The following GAB2 variants were observed in gnomAD, a reference collection of about 807,000 sequenced individuals.
The protein encoded by GAB2 is GRB2-associated-binding protein 2.
Under a neutral mutation model 65.5 loss-of-function variants are expected in GAB2, and 26 were observed. That is an observed-to-expected ratio of 0.40 (90% CI 0.29 to 0.55). GAB2 has a LOEUF of 0.55. GAB2 is among the 20% of genes least tolerant of loss of function. The probability of loss-of-function intolerance (pLI) is 0.53; values close to 1 mark genes in which losing one functional copy is unlikely to be tolerated. For synonymous variants in GAB2, 321 were observed against 329.6 expected, an observed-to-expected ratio of 0.97 and a Z score of 0.28; for missense variants, 884 against 875.8, an observed-to-expected ratio of 1.01 and a Z score of -0.12.
chr11:78,396,507 AAT>A (rs1309611182), intron 1 of GAB2, among the ~76,000 whole-genome samples: 1 of 152,234 alleles, frequency 6.6e-6, no homozygotes, highest in Non-Finnish European at 1.5e-5. Flanking sequence ...AACCAGTACA[AAT>A]ATATGTTTAA....
At chr11:78,242,140 T>G (rs757171071) in intron 3 of GAB2, among the ~76,000 whole-genome samples, 32 of 152,202 alleles carry the variant, frequency 2.1e-4, no homozygotes, top group Non-Finnish European at 1.2e-4. Context: ...AATTTCAAAA[T>G]TGTACAAATA....
intron 1 of GAB2, among the ~76,000 whole-genome samples, chr11:78,305,055 G>C (rs1056921680): frequency 1.3e-5 from 2 of 152,212 alleles, no homozygotes; most frequent in Non-Finnish European, 2.9e-5. Flanking sequence ...CGGGAACTGA[G>C]CTGAGCTGAA....
intron 1 of GAB2, among the ~76,000 whole-genome samples, chr11:78,398,358 C>A (rs1428176024): frequency 6.6e-6 from 1 of 152,176 alleles, no homozygotes; most frequent in Non-Finnish European, 1.5e-5. Flanking sequence ...CAGTGAATAA[C>A]TGGAAGTAAC....
rs777791037 is a variant in GAB2, at chr11:78,220,373, G to A, written c.1833C>T (p.Ser611=). 4 of 1,612,776 alleles carry A rather than the reference G, an allele frequency of 2.5e-6. No individual in the cohort carries two copies. The highest frequency in any genetic ancestry group is 2.2e-5 in the South Asian group (2 of 90,998). ...NSPAPKKSTG[S]VDYLALDFQP... is the part of the protein sequence containing the mutation. ...GGAAGTCCAGGGCCAGATAATCAAC[G>A]CTGCCGGTGCTCTTCTTAGGGGCAG... Residue 611 remains serine, a synonymous_variant, in exon 9 of 10, where the codon AGC becomes AGT. Coordinates refer to ENST00000361507, the MANE Select transcript of GAB2 (RefSeq NM_080491.3).
At position 78,217,526 on chromosome 11, in the gene GAB2, C is replaced by T. The variant is rs973726538; in HGVS notation, c.*1746G>A. On this transcript the variant is annotated 3_prime_UTR_variant, in exon 10 of 10. Coordinates refer to ENST00000361507, the MANE Select transcript of GAB2 (RefSeq NM_080491.3). ...GACAGTGGTAGCTGTCCCCATCAAA[C>T]ATGGCAGGAAGTCATTGTTTGGGAG... is the stretch of plus-strand genomic sequence containing the variant. 8 of 152,240 alleles carry T rather than the reference C, an allele frequency of 5.3e-5. No homozygotes were observed. Among genetic ancestry groups the T allele is most frequent in the African/African-American group, 1.9e-4 (8 of 41,448 alleles). 9.4% of individuals were successfully genotyped at this position (152,240 alleles called of 1,614,324 possible). A position where few individuals can be genotyped will look rare whatever the true frequency, so the allele number is the denominator to read the frequency against.
chr11:78,369,159 AAGTC>A (rs1221934248), intron 1 of GAB2, among the ~76,000 whole-genome samples: 2 of 151,200 alleles, frequency 1.3e-5, no homozygotes, highest in Non-Finnish European at 3.0e-5. Context: ...AAAAAAAAAA[AAGTC>A]AGATAAGTAA....
chr11:78,337,429 C>T (rs1856020794), intron 1 of GAB2, among the ~76,000 whole-genome samples: 1 of 152,110 alleles, frequency 6.6e-6, no homozygotes, highest in Admixed American at 6.5e-5. Context: ...GAATTCCCCA[C>T]AGTGATGTCA....
At chr11:78,236,380 A>G (rs1033654562) in intron 3 of GAB2, among the ~76,000 whole-genome samples, 24 of 152,260 alleles carry the variant, frequency 1.6e-4, no homozygotes, top group Middle Eastern at 3.4e-3. Flanking sequence ...CGAACTCTTG[A>G]GCTCCAGGTA....
At chr11:78,324,387 A>C (rs1855786135) in intron 1 of GAB2, among the ~76,000 whole-genome samples, 1 of 152,182 alleles carries the variant, frequency 6.6e-6, no homozygotes, top group Non-Finnish European at 1.5e-5. Flanking sequence ...TCTACTCACA[A>C]ATGTGCCTGG....
chr11:78,407,669 GAA>G (rs1857067593), intron 1 of GAB2, among the ~76,000 whole-genome samples: 1 of 136,638 alleles, frequency 7.3e-6, no homozygotes, highest in African/African-American at 3.1e-5. Context: ...AAGAAAGAAA[GAA>G]AGAAAGAAAG....
chr11:78,393,316 C>T (rs954451216), intron 1 of GAB2, among the ~76,000 whole-genome samples: 1 of 152,134 alleles, frequency 6.6e-6, no homozygotes, highest in Non-Finnish European at 1.5e-5. Context: ...TATTACAATG[C>T]CTGAAGTCAC....
chr11:78,413,217 G>C (rs1466128075), intron 1 of GAB2, among the ~76,000 whole-genome samples: 2 of 152,192 alleles, frequency 1.3e-5, no homozygotes, highest in African/African-American at 4.8e-5. Flanking sequence ...TTAACTTGAT[G>C]ACCACCATGC....
At chr11:78,389,767 G>A (rs768547099) in intron 1 of GAB2, among the ~76,000 whole-genome samples, 1 of 152,098 alleles carries the variant, frequency 6.6e-6, no homozygotes, top group African/African-American at 2.4e-5. Context: ...ACAGAATTGA[G>A]ACACCATAAA....
At chr11:78,366,048 C>T (rs536210694) in intron 1 of GAB2, among the ~76,000 whole-genome samples, 26 of 152,286 alleles carry the variant, frequency 1.7e-4, no homozygotes, top group Non-Finnish European at 2.9e-4. Context: ...TTAAATAAGA[C>T]AATGAATATA....
chr11:78,376,735 G>A (rs1449006864), intron 1 of GAB2, among the ~76,000 whole-genome samples: 8 of 152,244 alleles, frequency 5.3e-5, no homozygotes, highest in Non-Finnish European at 7.4e-5. Flanking sequence ...GGGGGGCACC[G>A]AGACTGTGAC....
intron 3 of GAB2, among the ~76,000 whole-genome samples, chr11:78,245,802 C>T (rs1231073666): frequency 6.6e-6 from 1 of 152,180 alleles, no homozygotes; most frequent in Admixed American, 6.5e-5. Context: ...GAGGAAATTT[C>T]TTATCAGTTT....
intron 1 of GAB2, among the ~76,000 whole-genome samples, chr11:78,336,451 T>C (rs1856004514): frequency 6.7e-6 from 1 of 149,164 alleles, no homozygotes; most frequent in Non-Finnish European, 1.5e-5. Context: ...CCTGCAACTT[T>C]ACTGAATTTA....
intron 1 of GAB2, among the ~76,000 whole-genome samples, chr11:78,355,226 T>C (rs1331999723): frequency 2.0e-5 from 3 of 152,130 alleles, no homozygotes; most frequent in Non-Finnish European, 4.4e-5. Context: ...ATCTTTTAGG[T>C]TTCAGTTTCC....
At chr11:78,231,323 C>T (rs575549464) in intron 3 of GAB2, among the ~76,000 whole-genome samples, 30 of 122,602 alleles carry the variant, frequency 2.4e-4, no homozygotes, top group South Asian at 1.0e-3. Context: ...TTGGTGCGCG[C>T]GCGCGCGTGT....
Sources: gnomAD v4.1 joint callset for allele counts (sites outside exome capture counted in the v4.1 genomes callset) on GRCh38, gnomAD v4.1.1 for gene constraint, MANE v1.5 for transcripts, NCBI Gene and HGNC (gene_info 2026-07-23, HGNC 2026-07-21) for gene names.